The following NEDD9 variants were observed in gnomAD, a reference collection of about 807,000 sequenced individuals.
NEDD9 encodes the protein enhancer of filamentation 1.
Under a neutral mutation model 76.6 loss-of-function variants are expected in NEDD9, and 26 were observed. The observed-to-expected ratio is 0.34, with a 90% CI of 0.25 to 0.47. The LOEUF is 0.47. Among genes scored for constraint, NEDD9 ranks in the 20% least tolerant of loss-of-function variants. The pLI, the probability that NEDD9 is intolerant of heterozygous loss-of-function variation, is 1.00. For missense variants in NEDD9, 937 were observed against 1,058.5 expected, an observed-to-expected ratio of 0.89 and a Z score of 1.59; for synonymous variants, 392 against 414.2, an observed-to-expected ratio of 0.95 and a Z score of 0.65.
chr6:11,322,229 G>A (rs548506423), intron 2 of NEDD9, among the ~76,000 whole-genome samples: 4 of 152,144 alleles, frequency 2.6e-5, no homozygotes, highest in African/African-American at 4.8e-5. Flanking sequence ...TAATGCATGC[G>A]GGGCTTAAAA....
At chr6:11,337,673 G>A (rs138915899) in intron 1 of NEDD9, among the ~76,000 whole-genome samples, 4 of 152,308 alleles carry the variant, frequency 2.6e-5, no homozygotes, top group Admixed American at 6.5e-5. Context: ...GTCCAACTCC[G>A]TCCCTGGCTC....
chr6:11,317,274 A>T (rs1204872852), intron 2 of NEDD9, among the ~76,000 whole-genome samples: 1 of 152,118 alleles, frequency 6.6e-6, no homozygotes, highest in Non-Finnish European at 1.5e-5. Context: ...CTCTACTAAA[A>T]ATACAAAAAT....
Position 11,190,433 on chromosome 6 carries a change from A to G in NEDD9, c.1436T>C (p.Leu479Pro), listed in dbSNP as rs1758106931. 6.2e-7 allele frequency: 1 copy of G among 1,614,172 alleles called. No individual in the cohort carries two copies. Among genetic ancestry groups the G allele is most frequent in the East Asian group, 2.2e-5 (1 of 44,878 alleles). Residue 479 changes from leucine to proline, a missense_variant, in exon 5 of 7, where the codon CTC (leucine) becomes CCC (proline). Physicochemically the swap from Leu to Pro is moderately conservative, Grantham distance 98. Coordinates refer to ENST00000379446, the MANE Select transcript of NEDD9 (RefSeq NM_006403.4). This position sits in a 1 kb window ranked among gnomAD's most constrained non-coding sequence, Gnocchi z 5.8. Reference sequence around the variant, plus strand: ...CCGCTTCATCTTGTTGTGGAGGATGAGTTCCGGGAGGCAGGCAGCATTTGC... The same window carrying G: ...CCGCTTCATCTTGTTGTGGAGGATGGGTTCCGGGAGGCAGGCAGCATTTGC... ...AVANAACLPE[L>P]ILHNKMKREL...
At chr6:11,287,524 CCACACACA>C (rs58610423) in intron 3 of NEDD9, among the ~76,000 whole-genome samples, 3,637 of 148,614 alleles carry the variant, frequency 0.024, 89 homozygotes, top group African/African-American at 0.066. Context: ...GTGCACAAAT[CCACACACA>C]CACACACACA....
intron 1 of NEDD9, among the ~76,000 whole-genome samples, chr6:11,364,139 A>G (rs1762722251): frequency 6.6e-6 from 1 of 152,220 alleles, no homozygotes; most frequent in Non-Finnish European, 1.5e-5. Flanking sequence ...ATTTGTGTAC[A>G]TGCCAGACAG....
chr6:11,344,555 C>G (rs1336992961), intron 1 of NEDD9, among the ~76,000 whole-genome samples: 1 of 152,224 alleles, frequency 6.6e-6, no homozygotes, highest in Non-Finnish European at 1.5e-5. Flanking sequence ...ATGTGGATGA[C>G]TCTGCAGTGT....
chr6:11,355,925 G>C (rs1006829653), intron 1 of NEDD9, among the ~76,000 whole-genome samples: 1 of 152,070 alleles, frequency 6.6e-6, no homozygotes, highest in Non-Finnish European at 1.5e-5. Context: ...GTTTCACCGT[G>C]TTAGCCAGGA....
intron 3 of NEDD9, among the ~76,000 whole-genome samples, chr6:11,278,512 A>G (rs1760465319): frequency 6.6e-6 from 1 of 152,220 alleles, no homozygotes; most frequent in Non-Finnish European, 1.5e-5. Flanking sequence ...TTGAGGTCAC[A>G]TTGCTGAGGT....
At chr6:11,359,673 A>G (rs932852106) in intron 1 of NEDD9, among the ~76,000 whole-genome samples, 3 of 152,264 alleles carry the variant, frequency 2.0e-5, no homozygotes, top group African/African-American at 7.2e-5. Flanking sequence ...AAGGCAGAAT[A>G]GAATACTTTT....
intron 3 of NEDD9, among the ~76,000 whole-genome samples, chr6:11,285,737 G>C (rs1760634291): frequency 1.3e-5 from 2 of 152,266 alleles, no homozygotes; most frequent in South Asian, 2.1e-4. Context: ...TTTTGACAAA[G>C]GTGCAAAGAA....
Position 11,190,299 on chromosome 6 carries a change from T to C in NEDD9, c.1570A>G (p.Lys524Glu). The C allele has an allele frequency of 6.2e-7, 1 of 1,614,208 alleles. No homozygotes were observed. Among genetic ancestry groups the C allele is most frequent in the Non-Finnish European group, 8.5e-7 (1 of 1,180,030 alleles). The change falls in exon 5 of 7, where the codon AAG becomes GAG. Residue 524 changes from lysine (K) to glutamate (E), a missense_variant. By Grantham distance (56) the Lys-to-Glu change is moderately conservative. Transcript: ENST00000379446. This position sits in a 1 kb window ranked among gnomAD's most constrained non-coding sequence, Gnocchi z 5.8. ...NILAINKPQN[K>E]CDDLDRFVMV... ...ACAAACCGGTCCAGATCGTCACACT[T>C]GTTCTGGGGCTTGTTGATGGCCAAG...
At chr6:11,320,468 G>A (rs1163070866) in intron 2 of NEDD9, among the ~76,000 whole-genome samples, 3 of 152,128 alleles carry the variant, frequency 2.0e-5, no homozygotes, top group East Asian at 1.9e-4. Flanking sequence ...CGGTGCCTAC[G>A]ATAAGCGATT....
intron 1 of NEDD9, 146 bp downstream of exon 1, chr6:11,232,358 T>G (rs1759498610): frequency 2.1e-6 from 2 of 962,014 alleles, no homozygotes; most frequent in African/African-American, 3.2e-5. Context: ...CTTGTCTGCT[T>G]GCATGTCAAC....
intron 2 of NEDD9, among the ~76,000 whole-genome samples, chr6:11,320,600 T>G (rs2113469928): frequency 6.6e-6 from 1 of 152,358 alleles, no homozygotes; most frequent in East Asian, 1.9e-4. Flanking sequence ...GGCTACGTGC[T>G]ACAACATTGT....
At chr6:11,291,373 C>T (rs1266844772) in intron 3 of NEDD9, among the ~76,000 whole-genome samples, 1 of 145,286 alleles carries the variant, frequency 6.9e-6, no homozygotes, top group Non-Finnish European at 1.5e-5. Flanking sequence ...CTCCCGGGTT[C>T]ACGCCATTCT....
intron 1 of NEDD9, among the ~76,000 whole-genome samples, chr6:11,365,506 T>C (rs1194267046): frequency 6.6e-6 from 1 of 152,206 alleles, no homozygotes; most frequent in African/African-American, 2.4e-5. Flanking sequence ...TTCTTATGTA[T>C]AGTAAGAAAT....
intron 3 of NEDD9, among the ~76,000 whole-genome samples, chr6:11,268,192 C>T (rs908549951): frequency 6.6e-6 from 1 of 152,016 alleles, no homozygotes; most frequent in Non-Finnish European, 1.5e-5. Flanking sequence ...ACCGAGACTG[C>T]ATAACTTTTG....
rs150248196 is a variant in NEDD9 at position 11,244,075 on chromosome 6, T to C, written c.13-30348A>G. Among the ~76,000 whole-genome samples, 308 of 152,290 alleles carry C rather than the reference T, an allele frequency of 2.0e-3. 3 individuals carry two copies. The highest frequency in any genetic ancestry group is 7.0e-3 in the African/African-American group (290 of 41,550). On this transcript the variant is annotated intron_variant, in intron 3 of 3. Transcript: ENST00000397378. Reference sequence around the variant, plus strand: ...TGTGGGTGGGCCTCATCTAATCAGATGAAGGCCTTCAGGGAAAAGAGACTG... The same window carrying C: ...TGTGGGTGGGCCTCATCTAATCAGACGAAGGCCTTCAGGGAAAAGAGACTG...
At position 11,191,176 on chromosome 6, in the gene NEDD9, C is replaced by T. The variant is rs575172666; in HGVS notation, c.693G>A (p.Arg231=). The T allele has an allele frequency of 8.0e-5, 129 of 1,609,440 alleles. 1 individual carries two copies. The South Asian group carries it at 1.3e-3, about 16-fold the overall frequency. Residue 231 remains arginine, a synonymous_variant, in exon 5 of 7, where the codon CGG becomes CGA. Transcript: ENST00000379446. Reference sequence around the variant, plus strand: ...CTTTTTCCCTAAGCCCTGCTTCATCCCGGCAAGCAGAGGGCGGAATGGCAT... The same window carrying T: ...CTTTTTCCCTAAGCCCTGCTTCATCTCGGCAAGCAGAGGGCGGAATGGCAT... ...GVYAIPPSAC[R]DEAGLREKDY...
Sources: gnomAD v4.1 joint callset for allele counts (sites outside exome capture counted in the v4.1 genomes callset) on GRCh38, gnomAD v4.1.1 for gene constraint, Gnocchi (gnomAD v3.1) non-coding constraint, MANE v1.5 for transcripts, NCBI Gene and HGNC (gene_info 2026-07-23, HGNC 2026-07-21) for gene names.